CNTN5: variants seen among roughly 807,000 people sequenced by gnomAD.
CNTN5 encodes the protein contactin 5.
A neutral mutation model predicts 129.1 loss-of-function variants in CNTN5; 77 were observed. The observed-to-expected ratio is 0.60, with a 90% confidence interval of 0.50 to 0.72. The LOEUF (loss-of-function observed/expected upper bound fraction) is 0.72, where lower values mean the gene tolerates loss of function less well. CNTN5 is among the 30% of genes least tolerant of loss of function. The pLI, the probability that CNTN5 is intolerant of heterozygous loss-of-function variation, is 0.00. For synonymous variants in CNTN5, 509 were observed against 465.6 expected (o/e 1.09, Z -1.20); for missense variants, 1,478 against 1,328.8 (o/e 1.11, Z -1.75).
intron 13 of CNTN5, among the ~76,000 whole-genome samples, chr11:100,160,363 T>C (rs1318888366): frequency 6.6e-6 from 1 of 151,974 alleles, no homozygotes; most frequent in Non-Finnish European, 1.5e-5. Flanking sequence ...CTATTGTGAA[T>C]AGTGCTGCAA....
intron 1 of CNTN5, among the ~76,000 whole-genome samples, chr11:99,058,502 A>G (rs770235913): frequency 1.8e-4 from 28 of 152,058 alleles, no homozygotes; most frequent in Non-Finnish European, 2.9e-4. Flanking sequence ...TTAGGGAGCT[A>G]TAACTTGCAG....
intron 1 of CNTN5, among the ~76,000 whole-genome samples, chr11:99,288,769 C>G (rs1230641118): frequency 6.6e-6 from 1 of 151,926 alleles, no homozygotes; most frequent in African/African-American, 2.4e-5. Context: ...AGCACCCTTG[C>G]TTAAATAAAA....
chr11:99,332,528 GAC>G lies in CNTN5; in HGVS notation c.-71+7046_-71+7047del, dbSNP rs1486701623. Among the ~76,000 whole-genome samples the G allele has an allele frequency of 3.3e-5, 5 of 151,980 alleles. No individual in the cohort carries two copies. In the East Asian group the frequency reaches 9.6e-4, roughly 29 times the overall value. ...TATGGCTGATAGTCACGGTTACAAA[GAC>G]AGTTTTTTTTATCATATACATACGC... On this transcript the variant is annotated intron_variant, in intron 2 of 24. Coordinates refer to ENST00000524871, the MANE Select transcript of CNTN5 (RefSeq NM_014361.4).
At chr11:99,207,342 A>T (rs893683480) in intron 1 of CNTN5, among the ~76,000 whole-genome samples, 4 of 152,278 alleles carry the variant, frequency 2.6e-5, no homozygotes, top group Non-Finnish European at 4.4e-5. Context: ...AAATCAGGTG[A>T]ATTAATCCTC....
intron 1 of CNTN5, among the ~76,000 whole-genome samples, chr11:99,267,420 T>C (rs1862955993): frequency 6.6e-6 from 1 of 152,020 alleles, no homozygotes; most frequent in Non-Finnish European, 1.5e-5. Context: ...TTCTAACGCT[T>C]ATATTTTTGG....
intron 1 of CNTN5, among the ~76,000 whole-genome samples, chr11:99,047,394 A>AC (rs1316229193): frequency 6.6e-6 from 1 of 151,572 alleles, no homozygotes; most frequent in Middle Eastern, 3.2e-3. Flanking sequence ...AAAAAAAAAA[A>AC]AACCAAAAAA....
chr11:99,267,920 GCACACACACACACACA>G (rs141288502), intron 1 of CNTN5, among the ~76,000 whole-genome samples: 7 of 140,432 alleles, frequency 5.0e-5, no homozygotes, highest in Admixed American at 2.1e-4. Context: ...ACACACACAC[GCACACACACACACACA>G]CACACACACA....
In CNTN5 at chr11:99,270,973, A is replaced by G. The variant is rs147370360; in HGVS notation, c.-209-54373A>G. 4.3e-3 allele frequency among the ~76,000 whole-genome samples: 656 copies of G among 152,092 alleles called. 7 individuals are homozygous for G. The highest frequency in any genetic ancestry group is 0.015 in the African/African-American group (623 of 41,538). On this transcript the variant is annotated intron_variant, in intron 1 of 24. Coordinates refer to ENST00000524871, the MANE Select transcript of CNTN5 (RefSeq NM_014361.4). The stretch of plus-strand genomic sequence containing the variant: ...CATACTCTCCTAGACTAAAAGCTCC[A>G]TGAAGCAAAAGAATCATGTCTGTCT...
chr11:99,362,753 T>C (rs965094309), intron 2 of CNTN5, among the ~76,000 whole-genome samples: 1 of 152,020 alleles, frequency 6.6e-6, no homozygotes, highest in African/African-American at 2.4e-5. Flanking sequence ...TATTCAATTT[T>C]TTTCAAAACC....
At chr11:99,890,628 T>C (rs1361514518) in intron 6 of CNTN5, among the ~76,000 whole-genome samples, 1 of 152,024 alleles carries the variant, frequency 6.6e-6, no homozygotes, top group East Asian at 1.9e-4. Flanking sequence ...ATAGACAAAT[T>C]TCCCATTCAG....
At chr11:100,252,702 G>C (rs190102475) in intron 16 of CNTN5, among the ~76,000 whole-genome samples, 1 of 152,038 alleles carries the variant, frequency 6.6e-6, no homozygotes, top group Admixed American at 6.6e-5. Context: ...TGATCTGAAG[G>C]CCTCTTCACT....
chr11:99,421,138 T>G (rs1942869626), intron 2 of CNTN5, among the ~76,000 whole-genome samples: 1 of 121,640 alleles, frequency 8.2e-6, no homozygotes, highest in South Asian at 2.3e-4. Flanking sequence ...TCATTGAGGT[T>G]TTTTTTTTTT....
At chr11:99,920,728 T>A (rs907038599) in intron 7 of CNTN5, among the ~76,000 whole-genome samples, 4 of 152,144 alleles carry the variant, frequency 2.6e-5, no homozygotes, top group Admixed American at 2.6e-4. Context: ...GCCAGACAGC[T>A]CTCTTGGGCC....
chr11:99,067,052 T>C (rs1289380722), intron 1 of CNTN5, among the ~76,000 whole-genome samples: 1 of 152,152 alleles, frequency 6.6e-6, no homozygotes, highest in Non-Finnish European at 1.5e-5. Flanking sequence ...ATTTTCCCTT[T>C]TCTATCATTA....
chr11:99,866,649 G>C (rs1399219934), intron 6 of CNTN5, among the ~76,000 whole-genome samples: 4 of 152,200 alleles, frequency 2.6e-5, no homozygotes, highest in Admixed American at 6.5e-5. Context: ...TTAGGAACTA[G>C]TGCTAAAATG....
intron 3 of CNTN5, among the ~76,000 whole-genome samples, chr11:99,709,094 T>C (rs1292617927): frequency 1.3e-5 from 2 of 151,862 alleles, no homozygotes; most frequent in African/African-American, 2.4e-5. Context: ...GCAAATTTCT[T>C]ATGTAGCTAA....
chr11:99,898,660 T>A (rs1198461012), intron 6 of CNTN5, among the ~76,000 whole-genome samples: 2 of 152,030 alleles, frequency 1.3e-5, no homozygotes, highest in African/African-American at 4.8e-5. Flanking sequence ...ATTTAAAGAA[T>A]ATTCCTAGAA....
chr11:99,882,911 C>T (rs1033602850), intron 6 of CNTN5, among the ~76,000 whole-genome samples: 7 of 152,072 alleles, frequency 4.6e-5, no homozygotes, highest in Non-Finnish European at 8.8e-5. Flanking sequence ...TACTCTCTAT[C>T]TTCATGATTT....
intron 1 of CNTN5, among the ~76,000 whole-genome samples, chr11:99,245,334 T>C (rs1861761931): frequency 1.3e-5 from 2 of 152,192 alleles, no homozygotes. Flanking sequence ...TATTTTTTCT[T>C]GAGACAAAGT....
Sources: gnomAD v4.1 joint callset for allele counts (sites outside exome capture counted in the v4.1 genomes callset) on GRCh38, gnomAD v4.1.1 for gene constraint, MANE v1.5 for transcripts, NCBI Gene and HGNC (gene_info 2026-07-23, HGNC 2026-07-21) for gene names.